Variants in SMAD7 observed in about 807,000 individuals in gnomAD.
SMAD7 encodes the protein MAD (mothers against decapentaplegic, Drosophila) homolog 7.
In SMAD7, 8 loss-of-function variants were observed where a neutral mutation model predicts 38.7. The ratio of observed to expected loss-of-function variants is 0.21; its 90% CI spans 0.12 to 0.37. SMAD7 has a LOEUF of 0.37. Ranked by LOEUF, SMAD7 falls within the 10% of genes least tolerant of loss-of-function variation. SMAD7 has a pLI of 1.00. For synonymous variants in SMAD7, 327 were observed against 265.1 expected, an observed-to-expected ratio of 1.23 and a Z score of -2.27; for missense variants, 477 against 577.9, an observed-to-expected ratio of 0.83 and a Z score of 1.79.
chr18:48,948,644 C>G (rs1203217632), intron 1 of SMAD7: 3 of 419,538 alleles, frequency 7.2e-6, no homozygotes, highest in Non-Finnish European at 1.3e-5. Context: ...CTCCGCTCCT[C>G]CACGTCTGCG....
rs2069861209 is a variant in SMAD7 at position 48,921,597 on chromosome 18, G to C, written c.1056C>G (p.Ser352=). ...IKSATLDNPD[S]RTLLVHKVFP... ...ACACCTTGTGTACCAACAGCGTCCT[G>C]GAGTCCGGGTTGTCCAGTGTGGCGG... The change falls in exon 4 of 4, where the codon TCC becomes TCG. Residue 352 remains serine, a synonymous_variant. Coordinates refer to ENST00000262158, the MANE Select transcript of SMAD7 (RefSeq NM_005904.4). The surrounding 1 kb of genome is among the most constrained non-coding windows in gnomAD (Gnocchi z 6.4). 1.2e-6 allele frequency: 2 copies of C among 1,614,010 alleles called. No individual in the cohort carries two copies. Among genetic ancestry groups the C allele is most frequent in the Admixed American group, 3.3e-5 (2 of 60,008 alleles).
chr18:48,941,063 T>G (rs1193656857), intron 3 of SMAD7, among the ~76,000 whole-genome samples: 16 of 152,170 alleles, frequency 1.1e-4, no homozygotes, highest in Non-Finnish European at 2.2e-4. Flanking sequence ...GTTTAAAAAA[T>G]AAAACCATCT....
At chr18:48,931,979 G>GCC (rs11453375) in intron 3 of SMAD7, among the ~76,000 whole-genome samples, 39 of 151,166 alleles carry the variant, frequency 2.6e-4, no homozygotes, top group African/African-American at 5.3e-4. Flanking sequence ...CCAGAAAACA[G>GCC]CCCCCCCAGC....
intron 3 of SMAD7, among the ~76,000 whole-genome samples, chr18:48,927,045 G>C (rs1259241154): frequency 6.6e-6 from 1 of 152,162 alleles, no homozygotes; most frequent in African/African-American, 2.4e-5. Flanking sequence ...TAACTTTAAG[G>C]GGCTGTCTCT....
intron 3 of SMAD7, among the ~76,000 whole-genome samples, chr18:48,936,366 ATAACT>A (rs1382491543): frequency 6.6e-6 from 1 of 152,234 alleles, no homozygotes; most frequent in African/African-American, 2.4e-5. Flanking sequence ...TAAAATACAC[ATAACT>A]TAAAATGTGC....
chr18:48,949,387 T>G, intron 1 of SMAD7: 1 of 538,982 alleles, frequency 1.9e-6, no homozygotes, highest in South Asian at 8.0e-5. Flanking sequence ...CTCCCAGCCT[T>G]CCTTGGCGGG....
intron 2 of SMAD7, chr18:48,942,923 A>C: frequency 3.3e-6 from 1 of 302,258 alleles, no homozygotes; most frequent in Non-Finnish European, 5.4e-6. Context: ...ATCCCTCATC[A>C]AGGGCAGAAG....
At chr18:48,948,349 A>G in intron 2 of SMAD7, 35 bp downstream of exon 2, 2 of 1,483,650 alleles carry the variant, frequency 1.3e-6, no homozygotes, top group Non-Finnish European at 1.9e-6. Flanking sequence ...TTCTAACTTA[A>G]GATAAGCAGG....
rs780713341 is a variant in SMAD7, at chr18:48,949,960, G to C, written c.465C>G (p.Leu155=). ...TGAACACTTTGCACAGCAGGAGGGGGAGCGAGTAGGACGAGGGCGGCTGCG... is the reference window on the plus strand; with the variant it reads ...TGAACACTTTGCACAGCAGGAGGGGCAGCGAGTAGGACGAGGGCGGCTGCG... ...QPAQPPSSYS[L]PLLLCKVFRW... is the part of the protein sequence containing the mutation. Residue 155 remains leucine, a synonymous_variant, in exon 1 of 4, where the codon CTC becomes CTG. Transcript: ENST00000262158. The C allele has an allele frequency of 3.7e-6, 6 of 1,610,548 alleles. No homozygotes were observed. Among genetic ancestry groups the C allele is most frequent in the Non-Finnish European group, 5.1e-6 (6 of 1,178,760 alleles).
Position 48,950,173 on chromosome 18 carries a change from C to CGCGCCG in SMAD7, c.246_251dup (p.Gly83_Ala84dup). On this transcript the variant is annotated inframe_insertion, in exon 1 of 4. Coordinates refer to ENST00000262158, the MANE Select transcript of SMAD7 (RefSeq NM_005904.4). The stretch of plus-strand genomic sequence containing the variant: ...TCAGATCCGCCTCGGCGCCCCCGGC[C>CGCGCCG]GCGCCGGCGCCCGCGGCTGGCGGGT... The CGCGCCG allele has an allele frequency of 6.7e-7, 1 of 1,485,374 alleles. No individual in the cohort carries two copies. Among genetic ancestry groups the CGCGCCG allele is most frequent in the African/African-American group, 1.5e-5 (1 of 67,816 alleles). The allele number at this position is 1,485,374 out of a possible 1,614,324, so 92.0% of individuals were successfully genotyped here.
intron 3 of SMAD7, among the ~76,000 whole-genome samples, chr18:48,929,074 C>T (rs1268427033): frequency 1.4e-5 from 2 of 142,220 alleles, no homozygotes; most frequent in African/African-American, 2.7e-5. Context: ...CCGACCCAGC[C>T]AACTCCATTC....
At chr18:48,929,821 A>G (rs1003347105) in intron 3 of SMAD7, among the ~76,000 whole-genome samples, 14 of 151,870 alleles carry the variant, frequency 9.2e-5, no homozygotes, top group African/African-American at 3.4e-4. Context: ...ACAGGACCCA[A>G]AGGCAGACCC....
chr18:48,926,791 C>T (rs1199283966), intron 3 of SMAD7, among the ~76,000 whole-genome samples: 1 of 152,214 alleles, frequency 6.6e-6, no homozygotes, highest in Non-Finnish European at 1.5e-5. Flanking sequence ...CCACAACGGA[C>T]ATCTCAAAGG....
chr18:48,940,506 T>C (rs980032810), intron 3 of SMAD7, among the ~76,000 whole-genome samples: 2 of 151,430 alleles, frequency 1.3e-5, no homozygotes, highest in African/African-American at 4.9e-5. Flanking sequence ...ATCTCAGCAC[T>C]TGGGGAGGAA....
At chr18:48,932,462 C>T (rs1261709316) in intron 3 of SMAD7, among the ~76,000 whole-genome samples, 1 of 152,130 alleles carries the variant, frequency 6.6e-6, no homozygotes, top group East Asian at 1.9e-4. Flanking sequence ...AAGAAAGTCC[C>T]GACTTTGCAA....
intron 2 of SMAD7, among the ~76,000 whole-genome samples, chr18:48,945,614 A>C (rs186633491): frequency 6.6e-6 from 1 of 152,296 alleles, no homozygotes; most frequent in East Asian, 1.9e-4. Context: ...GGCCTAGAAA[A>C]GTTAAGAGGG....
intron 2 of SMAD7, among the ~76,000 whole-genome samples, chr18:48,943,631 A>G (rs78026276): frequency 0.04 from 6,036 of 152,342 alleles, 186 homozygotes; most frequent in East Asian, 0.13. Context: ...CCAGGTCCGC[A>G]GCAAACACAA....
At chr18:48,949,318 A>T (rs2070233273) in intron 1 of SMAD7, 1 of 979,778 alleles carries the variant, frequency 1.0e-6, no homozygotes, top group East Asian at 1.1e-4. Flanking sequence ...GTTCGACGTG[A>T]TTCTCCGTAT....
chr18:48,939,844 A>G (rs1192996719), intron 3 of SMAD7, among the ~76,000 whole-genome samples: 3 of 138,832 alleles, frequency 2.2e-5, no homozygotes, highest in African/African-American at 8.0e-5. Context: ...CCACCCCCCA[A>G]CCTCAGTGTC....
Sources: allele counts gnomAD v4.1 joint callset (sites outside exome capture counted in the v4.1 genomes callset), GRCh38; gene constraint gnomAD v4.1.1; non-coding constraint Gnocchi (gnomAD v3.1); transcripts MANE v1.5; gene names NCBI Gene and HGNC (gene_info 2026-07-23, HGNC 2026-07-21).